SPTY2D1: variants seen among roughly 807,000 people sequenced by gnomAD.
SPTY2D1 encodes the protein SPT2 chromatin protein domain containing 1, also known as protein SPT2 homolog.
SPTY2D1 carries 21 observed loss-of-function variants against 64.0 expected under a neutral mutation model. The ratio of observed to expected loss-of-function variants is 0.33; its 90% CI spans 0.23 to 0.47. The LOEUF is 0.47. SPTY2D1 is among the 20% of genes least tolerant of loss of function. The pLI, the probability that SPTY2D1 is intolerant of heterozygous loss-of-function variation, is 1.00. For missense variants in SPTY2D1, 724 were observed against 837.2 expected, an observed-to-expected ratio of 0.86 and a Z score of 1.67; for synonymous variants, 287 against 286.8, an observed-to-expected ratio of 1.00 and a Z score of -0.01.
At position 18,612,313 on chromosome 11, in the gene SPTY2D1, C is replaced by T; in HGVS notation, c.1886+1G>A. 1 of 1,584,590 alleles carries T rather than the reference C, an allele frequency of 6.3e-7. No homozygotes were observed. Among genetic ancestry groups the T allele is most frequent in the Non-Finnish European group, 8.6e-7 (1 of 1,169,246 alleles). ...GTTATCTGAATCTTCTTTAGTCTTA[C>T]TTTTTTCGGTCATAACCAAAGATTT... On this transcript the variant is annotated splice_donor_variant, in intron 4 of 5. Transcript: ENST00000336349. LOFTEE classifies it high-confidence loss of function. This position sits in a 1 kb window ranked among gnomAD's most constrained non-coding sequence, Gnocchi z 4.6.
At chr11:18,610,689 CAA>C (rs1854190953) in intron 5 of SPTY2D1, among the ~76,000 whole-genome samples, 2 of 131,876 alleles carry the variant, frequency 1.5e-5, no homozygotes, top group Admixed American at 7.7e-5. Context: ...AAAAAAAAAA[CAA>C]CAATACTATA....
At chr11:18,632,843 G>C (rs1590407848) in intron 1 of SPTY2D1, among the ~76,000 whole-genome samples, 1 of 152,044 alleles carries the variant, frequency 6.6e-6, no homozygotes, top group African/African-American at 2.4e-5. Flanking sequence ...AACAGTACTG[G>C]GCATCAAAGC....
At position 18,615,665 on chromosome 11, in the gene SPTY2D1, C is replaced by G. The variant is rs377020935; in HGVS notation, c.609G>C (p.Arg203Ser). ...EERPMTAEEL[R>S]EREFLERKHR... ...GCTTTCGTTCAAGGAATTCTCGCTC[C>G]CTAAGTTCTTCTGCGGTCATAGGTC... The change falls in exon 3 of 6, where the codon AGG becomes AGC. Residue 203 changes from arginine to serine, a missense_variant. By Grantham distance (110) the Arg-to-Ser change is moderately radical. Transcript: ENST00000336349. 14 of 1,614,054 alleles carry G rather than the reference C, an allele frequency of 8.7e-6. No individual in the cohort carries two copies. The highest frequency in any genetic ancestry group is 1.2e-5 in the Non-Finnish European group (14 of 1,180,046).
chr11:18,612,345 T>C lies in SPTY2D1; in HGVS notation c.1855A>G (p.Ile619Val). The change falls in exon 4 of 6, where the codon ATT becomes GTT. Residue 619 changes from isoleucine (I) to valine (V), a missense_variant. Coordinates refer to ENST00000336349, the MANE Select transcript of SPTY2D1 (RefSeq NM_194285.3). The surrounding 1 kb of genome is among the most constrained non-coding windows in gnomAD (Gnocchi z 4.6). ...GEPQEEISKH[I>V]REIFGYDRKK... is the part of the protein sequence containing the mutation. ...CGGTCATAACCAAAGATTTCTCTAA[T>C]GTGCTTGGATATTTCTTCCTGAGGC... 6.2e-7 allele frequency: 1 copy of C among 1,606,810 alleles called. No homozygotes were observed. Among genetic ancestry groups the C allele is most frequent in the Non-Finnish European group, 8.5e-7 (1 of 1,177,110 alleles).
At position 18,606,638 on chromosome 11, in the gene SPTY2D1, C is replaced by G. The variant is rs1413958278; in HGVS notation, c.*3223G>C. 8.0e-6 allele frequency: 3 copies of G among 373,532 alleles called. No individual in the cohort carries two copies. Among genetic ancestry groups the G allele is most frequent in the Non-Finnish European group, 1.5e-5 (3 of 198,394 alleles). 23.1% of individuals were successfully genotyped at this position (373,532 alleles called of 1,614,324 possible). A position where few individuals can be genotyped will look rare whatever the true frequency, so the allele number is the denominator to read the frequency against. ...TACACTAAACGTCTGAATATTTAAT[C>G]ACATCCACTCAGAAAATAAATAGTA... On this transcript the variant is annotated 3_prime_UTR_variant, in exon 6 of 6. Transcript: ENST00000336349.
At position 18,612,223 on chromosome 11, in the gene SPTY2D1, G is replaced by A. The variant is rs1565158045; in HGVS notation, c.1886+91C>T. ...GGTTCCTAATTAAGAATTGTATTCA[G>A]TGCCTCCACTATTAGTTTATTACCC... is the stretch of plus-strand genomic sequence containing the variant. On this transcript the variant is annotated intron_variant, in intron 4 of 5. Coordinates refer to ENST00000336349, the MANE Select transcript of SPTY2D1 (RefSeq NM_194285.3). The surrounding 1 kb of genome is among the most constrained non-coding windows in gnomAD (Gnocchi z 4.6). 9.9e-7 allele frequency: 1 copy of A among 1,006,480 alleles called. No individual in the cohort carries two copies. The highest frequency in any genetic ancestry group is 2.7e-5 in the Admixed American group (1 of 36,718). The allele number at this position is 1,006,480 out of a possible 1,614,324, so 62.3% of individuals were successfully genotyped here. A position where few individuals can be genotyped will look rare whatever the true frequency, so the allele number is the denominator to read the frequency against.
At chr11:18,618,700 C>A (rs1476405846) in intron 1 of SPTY2D1, among the ~76,000 whole-genome samples, 1 of 152,066 alleles carries the variant, frequency 6.6e-6, no homozygotes, top group Non-Finnish European at 1.5e-5. Flanking sequence ...ACTTAGGAAC[C>A]AAAAAAGTAT....
chr11:18,624,051 A>C (rs1191216578), intron 1 of SPTY2D1, among the ~76,000 whole-genome samples: 3 of 152,162 alleles, frequency 2.0e-5, no homozygotes, highest in African/African-American at 7.2e-5. Context: ...CCTTTCTCTT[A>C]GGTATATGAC....
rs545676790 is a variant in SPTY2D1, at chr11:18,612,738, A to C, written c.1712-250T>G. 6.6e-6 allele frequency among the ~76,000 whole-genome samples: 1 copy of C among 151,968 alleles called. No individual in the cohort carries two copies. The highest frequency in any genetic ancestry group is 6.6e-5 in the Admixed American group (1 of 15,240). On this transcript the variant is annotated intron_variant, in intron 3 of 5. Transcript: ENST00000336349. The surrounding 1 kb of genome is among the most constrained non-coding windows in gnomAD (Gnocchi z 4.6). ...TAGCTTAGTAGTGCCAATATTTCTG[A>C]ATTTATAAGATCAGTAAAATTTCTT...
intron 1 of SPTY2D1, among the ~76,000 whole-genome samples, chr11:18,629,522 T>C (rs1158376545): frequency 1.3e-5 from 2 of 152,092 alleles, no homozygotes; most frequent in Non-Finnish European, 2.9e-5. Flanking sequence ...ATTATAGCTA[T>C]GTGAAACCTG....
chr11:18,622,022 G>A (rs1253161323), intron 1 of SPTY2D1, among the ~76,000 whole-genome samples: 1 of 131,746 alleles, frequency 7.6e-6, no homozygotes, highest in Non-Finnish European at 1.5e-5. Context: ...GGGAGGTCGA[G>A]GCTGCAGTGA....
intron 1 of SPTY2D1, among the ~76,000 whole-genome samples, chr11:18,622,226 A>G (rs1425288447): frequency 6.6e-6 from 1 of 151,974 alleles, no homozygotes. Flanking sequence ...TCATCTTTAT[A>G]TTTTTGGAAA....
chr11:18,615,589 T>C lies in SPTY2D1; in HGVS notation c.685A>G (p.Lys229Glu), dbSNP rs569368659. 3.7e-6 allele frequency: 6 copies of C among 1,614,258 alleles called. No individual in the cohort carries two copies. In the African/African-American group the frequency reaches 5.3e-5, roughly 14 times the overall value. Residue 229 changes from lysine (K) to glutamate (E), a missense_variant, in exon 3 of 6, where the codon AAA (lysine) becomes GAA (glutamate). Lys to Glu is a moderately conservative substitution (Grantham distance 56, BLOSUM62 1). Around this residue, in one of 3 missense-constraint regions of SPTY2D1, gnomAD observed 426 missense variants for 431.8 expected, o/e 0.99. Transcript: ENST00000336349. ...TDGKLPPTVSKKAPSQKESVG... is the reference protein window; with the variant it reads ...TDGKLPPTVSEKAPSQKESVG... ...CTTTCTTTCTGAGAGGGTGCCTTTT[T>C]GGACACAGTTGGAGGTAGTTTTCCA...
In SPTY2D1 at chr11:18,608,478, A is replaced by C. The variant is rs1854143031; in HGVS notation, c.*1383T>G. Reference sequence around the variant, plus strand: ...CCTAATCCCCCCCATACAATGGCTTAAGATAGCCAAAACGTTTATTGTAGA... The same window carrying C: ...CCTAATCCCCCCCATACAATGGCTTCAGATAGCCAAAACGTTTATTGTAGA... On this transcript the variant is annotated 3_prime_UTR_variant, in exon 6 of 6. Coordinates refer to ENST00000336349, the MANE Select transcript of SPTY2D1 (RefSeq NM_194285.3). The C allele has an allele frequency of 6.6e-6, 1 of 152,230 alleles. No individual in the cohort carries two copies. Among genetic ancestry groups the C allele is most frequent in the South Asian group, 2.1e-4 (1 of 4,832 alleles). 9.4% of individuals were successfully genotyped at this position (152,230 alleles called of 1,614,324 possible). A position where few individuals can be genotyped will look rare whatever the true frequency, so the allele number is the denominator to read the frequency against.
chr11:18,607,901 T>C lies in SPTY2D1; in HGVS notation c.*1960A>G, dbSNP rs1289331419. ...CAAAGAACTGTACCATATCATAAAT[T>C]TACTGCTAGTAAACTTTAAGCCACC... is the stretch of plus-strand genomic sequence containing the variant. On this transcript the variant is annotated 3_prime_UTR_variant, in exon 6 of 6. Transcript: ENST00000336349. The C allele has an allele frequency of 3.3e-5, 5 of 152,200 alleles. No individual in the cohort carries two copies. The highest frequency in any genetic ancestry group is 5.9e-5 in the Non-Finnish European group (4 of 68,036). 9.4% of individuals were successfully genotyped at this position (152,200 alleles called of 1,614,324 possible).
rs1204726396 is a variant in SPTY2D1, at chr11:18,614,905, T to C, written c.1369A>G (p.Arg457Gly). ...RPISGSVSSA[R>G]PLGSSRGPGR... ...GGGCCACGAGAGCTGCCCAAGGGTC[T>C]TGCAGAACTAACTGAACCACTGATG... The change falls in exon 3 of 6, where the codon AGA becomes GGA. Residue 457 changes from arginine to glycine, a missense_variant. Arg to Gly is a moderately radical substitution (Grantham distance 125). Transcript: ENST00000336349. 2 of 1,613,368 alleles carry C rather than the reference T, an allele frequency of 1.2e-6. No individual in the cohort carries two copies. Among genetic ancestry groups the C allele is most frequent in the African/African-American group, 1.3e-5 (1 of 74,886 alleles).
intron 1 of SPTY2D1, among the ~76,000 whole-genome samples, chr11:18,626,018 C>G (rs1439980411): frequency 2.6e-5 from 4 of 152,052 alleles, no homozygotes; most frequent in South Asian, 4.2e-4. Context: ...ACAGGTTTCA[C>G]CACGTTGGCC....
intron 1 of SPTY2D1, among the ~76,000 whole-genome samples, chr11:18,627,827 C>T (rs1213471411): frequency 2.0e-5 from 3 of 150,830 alleles, no homozygotes; most frequent in Non-Finnish European, 4.4e-5. Flanking sequence ...TGCAGTGAGC[C>T]GAGATCATGC....
chr11:18,606,868 C>T lies in SPTY2D1; in HGVS notation c.*2993G>A. On this transcript the variant is annotated 3_prime_UTR_variant, in exon 6 of 6. Transcript: ENST00000336349. ...AAATGAAAATTTGAGTTCCCACATT[C>T]TTTTTTTTTTGACATGGAGTCTCGC... 2 of 325,816 alleles carry T rather than the reference C, an allele frequency of 6.1e-6. No homozygotes were observed. The highest frequency in any genetic ancestry group is 4.8e-5 in the South Asian group (2 of 42,042). 20.2% of individuals were successfully genotyped at this position (325,816 alleles called of 1,614,324 possible).
Sources: allele counts gnomAD v4.1 joint callset (sites outside exome capture counted in the v4.1 genomes callset), GRCh38; gene constraint gnomAD v4.1.1; regional missense constraint gnomAD v4.1.1; non-coding constraint Gnocchi (gnomAD v3.1); transcripts MANE v1.5; gene names NCBI Gene and HGNC (gene_info 2026-07-23, HGNC 2026-07-21).